The following DDHD1 variants were observed in gnomAD, a reference collection of about 807,000 sequenced individuals.
The protein encoded by DDHD1 is DDHD domain containing 1, also known as phospholipase DDHD1.
A neutral mutation model predicts 96.4 loss-of-function variants in DDHD1; 49 were observed. The observed-to-expected ratio is 0.51, with a 90% CI of 0.40 to 0.64. DDHD1 has a LOEUF of 0.64. DDHD1 is among the 30% of genes least tolerant of loss of function. The probability of loss-of-function intolerance (pLI) is 0.00; values close to 1 mark genes in which losing one functional copy is unlikely to be tolerated. For missense variants in DDHD1, 1,106 were observed against 1,161.2 expected (o/e 0.95, Z 0.69); for synonymous variants, 442 against 446.5 (o/e 0.99, Z 0.13).
At chr14:53,143,267 A>C (rs918178157) in intron 1 of DDHD1, among the ~76,000 whole-genome samples, 1 of 152,186 alleles carries the variant, frequency 6.6e-6, no homozygotes, top group Non-Finnish European at 1.5e-5. Context: ...AAGAATTGAA[A>C]TGGAGGTGGC....
rs191928334 is a variant in DDHD1 at position 53,131,433 on chromosome 14, G to A, written c.838+20828C>T. 3.3e-3 allele frequency among the ~76,000 whole-genome samples: 501 copies of A among 152,086 alleles called. 2 individuals carry two copies. The highest frequency in any genetic ancestry group is 0.011 in the African/African-American group (471 of 41,496). On this transcript the variant is annotated intron_variant, in intron 1 of 12. Transcript: ENST00000673822. ...GGAATAAAGCCTGTCCAGGATCTTC[G>A]CCTTATTAATCAAATCATCCTTCCC... is the stretch of plus-strand genomic sequence containing the variant.
At position 53,080,717 on chromosome 14, in the gene DDHD1, C is replaced by CTTCCTTTTTT. The variant is rs781757807; in HGVS notation, c.1290-6871_1290-6870insAAAAAAGGAA. Among the ~76,000 whole-genome samples the CTTCCTTTTTT allele has an allele frequency of 1.1e-3, 98 of 89,482 alleles. 6 individuals carry two copies. The highest frequency in any genetic ancestry group is 4.9e-3 in the African/African-American group (94 of 19,292). The allele number at this position is 89,482 out of a possible 152,430, so 58.7% of individuals were successfully genotyped here. On this transcript the variant is annotated intron_variant, in intron 4 of 12. Coordinates refer to ENST00000673822, the MANE Select transcript of DDHD1 (RefSeq NM_001160148.2). ...ATAATTTCATTTCTTTTCCTTCCCC[C>CTTCCTTTTTT]TTTTTTTTTTTTTTTTTTTTGGAGA...
chr14:53,152,113 G>GA, intron 1 of DDHD1, 148 bp downstream of exon 1: 56 of 833,676 alleles, frequency 6.7e-5, no homozygotes, highest in South Asian at 2.5e-4. Context: ...AGCTGCCGAC[G>GA]CTCCCTGCTC....
chr14:53,051,965 C>T (rs1192083538), intron 11 of DDHD1, 38 bp from the exon 12 acceptor site: 1 of 1,509,450 alleles, frequency 6.6e-7, no homozygotes. Context: ...AAAGGGTTGG[C>T]TGATGATTAA....
chr14:53,080,864 T>C (rs1885414451), intron 4 of DDHD1, among the ~76,000 whole-genome samples: 2 of 152,098 alleles, frequency 1.3e-5, no homozygotes, highest in Admixed American at 1.3e-4. Context: ...CCCATGTAGC[T>C]AGGACTATAG....
intron 1 of DDHD1, among the ~76,000 whole-genome samples, chr14:53,114,650 A>C (rs904697433): frequency 6.6e-6 from 1 of 152,346 alleles, no homozygotes; most frequent in Admixed American, 6.5e-5. Context: ...AGACTAATAG[A>C]AGAAAAACTA....
chr14:53,049,229 T>G (rs1326660322), intron 12 of DDHD1, among the ~76,000 whole-genome samples: 1 of 152,228 alleles, frequency 6.6e-6, no homozygotes, highest in Admixed American at 6.5e-5. Context: ...CTAACCAGAT[T>G]GACTCCATCT....
chr14:53,112,412 T>C (rs1888178595), intron 1 of DDHD1, among the ~76,000 whole-genome samples: 1 of 147,424 alleles, frequency 6.8e-6, no homozygotes, highest in East Asian at 2.0e-4. Flanking sequence ...CGAGACTCCA[T>C]CTCAAAAAAA....
intron 1 of DDHD1, among the ~76,000 whole-genome samples, chr14:53,119,310 A>T (rs1888803967): frequency 6.6e-6 from 1 of 152,240 alleles, no homozygotes; most frequent in Non-Finnish European, 1.5e-5. Flanking sequence ...TTCAAATGTA[A>T]CAATATTAAC....
chr14:53,106,619 T>C (rs1394142042), intron 1 of DDHD1, among the ~76,000 whole-genome samples: 1 of 152,136 alleles, frequency 6.6e-6, no homozygotes, highest in Non-Finnish European at 1.5e-5. Context: ...ATCATGCCCC[T>C]GCACTCCAGC....
chr14:53,077,964 T>C (rs990045244), intron 4 of DDHD1, among the ~76,000 whole-genome samples: 5 of 152,194 alleles, frequency 3.3e-5, no homozygotes, highest in African/African-American at 1.2e-4. Flanking sequence ...CAGTACTTCA[T>C]TGCTTTTCAT....
intron 1 of DDHD1, among the ~76,000 whole-genome samples, chr14:53,120,090 C>T (rs1032669422): frequency 3.3e-5 from 5 of 152,216 alleles, no homozygotes; most frequent in Admixed American, 6.5e-5. Flanking sequence ...TGATAAGCAG[C>T]TTCAGCAAAG....
At chr14:53,088,976 C>T (rs1216682061) in intron 4 of DDHD1, among the ~76,000 whole-genome samples, 2 of 152,256 alleles carry the variant, frequency 1.3e-5, no homozygotes, top group East Asian at 1.9e-4. Flanking sequence ...AGCAAAGTCT[C>T]GGGATACAAA....
chr14:53,086,072 G>A (rs1313596619), intron 4 of DDHD1, among the ~76,000 whole-genome samples: 1 of 152,210 alleles, frequency 6.6e-6, no homozygotes, highest in Non-Finnish European at 1.5e-5. Context: ...TCAAATTCAT[G>A]AAATGAAGCG....
At chr14:53,056,019 GAATTT>G (rs1304287701) in intron 9 of DDHD1, 107 bp from the exon 10 acceptor site, 59 of 911,040 alleles carry the variant, frequency 6.5e-5, no homozygotes, top group Middle Eastern at 2.9e-4. Context: ...CTCCGAGAAG[GAATTT>G]AATTAAAAAA....
intron 6 of DDHD1, among the ~76,000 whole-genome samples, chr14:53,072,181 C>T (rs887532171): frequency 3.9e-5 from 6 of 152,026 alleles, no homozygotes; most frequent in African/African-American, 1.4e-4. Flanking sequence ...TCACCTCTCG[C>T]CCCCAGTGTT....
Position 53,055,727 on chromosome 14 carries a change from G to A in DDHD1, c.2178C>T (p.Thr726=). ...AGTGTCGGCGGGACAAAACTGGTGA[G>A]GTCACAGGGCTTGGTATGGTTGAAA... The part of the protein sequence containing the change: ...EGISTIPSPV[T]SPVLSRRHYG... Residue 726 remains threonine, a synonymous_variant, in exon 10 of 13, where the codon ACC becomes ACT. Coordinates refer to ENST00000673822, the MANE Select transcript of DDHD1 (RefSeq NM_001160148.2). 6.2e-7 allele frequency: 1 copy of A among 1,613,986 alleles called. No homozygotes were observed. Among genetic ancestry groups the A allele is most frequent in the Non-Finnish European group, 8.5e-7 (1 of 1,179,906 alleles).
chr14:53,091,766 C>T lies in DDHD1; in HGVS notation c.1289+19G>A. 2 of 1,610,132 alleles carry T rather than the reference C, an allele frequency of 1.2e-6. No homozygotes were observed. Among genetic ancestry groups the T allele is most frequent in the Non-Finnish European group, 1.7e-6 (2 of 1,177,826 alleles). On this transcript the variant is annotated intron_variant, in intron 4 of 12. Coordinates refer to ENST00000673822, the MANE Select transcript of DDHD1 (RefSeq NM_001160148.2). ...TGGATTCTAGATTAGATATACAATG[C>T]ATTCATCAAAGAACTTACATAGCTG...
intron 4 of DDHD1, among the ~76,000 whole-genome samples, chr14:53,075,851 GAAC>G (rs1458767579): frequency 1.3e-5 from 2 of 151,992 alleles, no homozygotes; most frequent in Admixed American, 6.6e-5. Context: ...TCTATAAATA[GAAC>G]AACAAAGCCT....
Sources: allele counts gnomAD v4.1 joint callset (sites outside exome capture counted in the v4.1 genomes callset), GRCh38; gene constraint gnomAD v4.1.1; transcripts MANE v1.5; gene names NCBI Gene and HGNC (gene_info 2026-07-23, HGNC 2026-07-21).